Variants in RGS7 observed in about 807,000 individuals in gnomAD.
The protein encoded by RGS7 is regulator of G-protein signaling 7.
A neutral mutation model predicts 81.1 loss-of-function variants in RGS7; 27 were observed. That is an observed-to-expected ratio of 0.33 (90% confidence interval 0.25 to 0.46). The LOEUF is 0.46. Ranked by LOEUF, RGS7 falls within the 20% of genes least tolerant of loss-of-function variation. The pLI, the probability that RGS7 is intolerant of heterozygous loss-of-function variation, is 1.00. For synonymous variants in RGS7, 208 were observed against 207.7 expected (o/e 1.00, Z -0.01); for missense variants, 396 against 607.4 (o/e 0.65, Z 3.66).
intron 9 of RGS7, among the ~76,000 whole-genome samples, chr1:240,858,912 G>C (rs190657877): frequency 6.6e-6 from 1 of 152,030 alleles, no homozygotes; most frequent in African/African-American, 2.4e-5. Flanking sequence ...GAGGATTTTT[G>C]CATCTTTGTT....
intron 3 of RGS7, among the ~76,000 whole-genome samples, chr1:241,060,870 C>A (rs144713320): frequency 7.6e-4 from 115 of 152,248 alleles, no homozygotes; most frequent in African/African-American, 2.6e-3. Context: ...GAAAGAAACA[C>A]CTTGTAACTG....
intron 2 of RGS7, among the ~76,000 whole-genome samples, chr1:241,136,640 A>T (rs2067536963): frequency 6.6e-6 from 1 of 152,236 alleles, no homozygotes; most frequent in South Asian, 2.1e-4. Flanking sequence ...GGAAACCTGA[A>T]GATGGCTATC....
At chr1:240,950,243 A>G (rs891343570) in intron 4 of RGS7, among the ~76,000 whole-genome samples, 1 of 152,168 alleles carries the variant, frequency 6.6e-6, no homozygotes, top group Non-Finnish European at 1.5e-5. Context: ...CAGAAATCCC[A>G]CCAGATTCTC....
At chr1:241,260,102 G>A (rs185805551) in intron 2 of RGS7, among the ~76,000 whole-genome samples, 19 of 152,160 alleles carry the variant, frequency 1.2e-4, no homozygotes, top group East Asian at 9.7e-4. Context: ...TTACTGCTTC[G>A]TCTCAGAAAG....
chr1:241,312,687 T>G (rs933171205), intron 2 of RGS7, among the ~76,000 whole-genome samples: 1 of 152,100 alleles, frequency 6.6e-6, no homozygotes, highest in Non-Finnish European at 1.5e-5. Flanking sequence ...GCCCCTCTAT[T>G]CCCTGAGACA....
At chr1:240,874,146 AG>A (rs1664959293) in intron 6 of RGS7, among the ~76,000 whole-genome samples, 1 of 152,234 alleles carries the variant, frequency 6.6e-6, no homozygotes, top group Admixed American at 6.5e-5. Context: ...GGCCCTCCCC[AG>A]ACATCAAATC....
chr1:240,972,418 T>C (rs1050532951), intron 4 of RGS7, among the ~76,000 whole-genome samples: 5 of 146,632 alleles, frequency 3.4e-5, no homozygotes, highest in Admixed American at 6.9e-5. Flanking sequence ...AAATTGGAAA[T>C]CATCATTCTC....
Position 240,842,629 on chromosome 1 carries a change from T to TGG in RGS7, c.610-15459_610-15458dup, listed in dbSNP as rs34222119. Among the ~76,000 whole-genome samples the TGG allele has an allele frequency of 9.2e-5, 14 of 151,760 alleles. No homozygotes were observed. In the South Asian group the frequency reaches 1.3e-3, roughly 14 times the overall value. On this transcript the variant is annotated intron_variant, in intron 9 of 18. Transcript: ENST00000440928. ...TTAATTTTTAAAAAGGTAAGCATTT[T>TGG]GGGGGGGGAATAAATATAGGGTAAG...
chr1:241,173,790 A>C (rs2070907011), intron 2 of RGS7, among the ~76,000 whole-genome samples: 1 of 152,164 alleles, frequency 6.6e-6, no homozygotes, highest in African/African-American at 2.4e-5. Context: ...TAAAATAAAA[A>C]ATAAAAAGAA....
At chr1:240,968,787 C>T (rs534277353) in intron 4 of RGS7, among the ~76,000 whole-genome samples, 73 of 152,156 alleles carry the variant, frequency 4.8e-4, no homozygotes, top group African/African-American at 1.7e-3. Context: ...TCTATCAGTG[C>T]CCTTATCACA....
chr1:241,026,194 G>A (rs1353830045), intron 3 of RGS7, among the ~76,000 whole-genome samples: 1 of 152,202 alleles, frequency 6.6e-6, no homozygotes, highest in Non-Finnish European at 1.5e-5. Context: ...CCAGTGTCTA[G>A]TGGTGTGCCT....
At chr1:241,260,193 C>G (rs1238971186) in intron 2 of RGS7, among the ~76,000 whole-genome samples, 1 of 152,184 alleles carries the variant, frequency 6.6e-6, no homozygotes, top group African/African-American at 2.4e-5. Flanking sequence ...CACTCACAGG[C>G]TAAGCCACAA....
intron 4 of RGS7, among the ~76,000 whole-genome samples, chr1:240,946,330 T>C (rs1453783268): frequency 2.0e-5 from 3 of 152,172 alleles, no homozygotes; most frequent in Non-Finnish European, 2.9e-5. Flanking sequence ...AGGCTGGGCA[T>C]GGTGGCTCAC....
intron 6 of RGS7, among the ~76,000 whole-genome samples, chr1:240,924,756 T>C (rs963228048): frequency 6.6e-6 from 1 of 152,196 alleles, no homozygotes; most frequent in African/African-American, 2.4e-5. Flanking sequence ...TTAATTGTAT[T>C]ACCACTAGGA....
At chr1:240,778,931 C>A (rs563641302) in intron 18 of RGS7, among the ~76,000 whole-genome samples, 11 of 151,402 alleles carry the variant, frequency 7.3e-5, no homozygotes, top group Non-Finnish European at 1.6e-4. Flanking sequence ...TAACAACAGA[C>A]CCTGCTTTAT....
intron 2 of RGS7, among the ~76,000 whole-genome samples, chr1:241,151,702 C>A (rs1261907650): frequency 6.6e-6 from 1 of 151,602 alleles, no homozygotes; most frequent in Non-Finnish European, 1.5e-5. Flanking sequence ...GCTGCCACAA[C>A]ACTTGGGTTA....
At chr1:240,980,736 T>C (rs1270905194) in intron 4 of RGS7, among the ~76,000 whole-genome samples, 1 of 152,236 alleles carries the variant, frequency 6.6e-6, no homozygotes, top group Non-Finnish European at 1.5e-5. Flanking sequence ...CAATCATTAA[T>C]GTTTCTTAAC....
At chr1:241,076,152 A>G (rs894208824) in intron 3 of RGS7, among the ~76,000 whole-genome samples, 14 of 152,092 alleles carry the variant, frequency 9.2e-5, no homozygotes, top group African/African-American at 3.4e-4. Context: ...TGTACCTGGC[A>G]TGATGTATGC....
intron 2 of RGS7, among the ~76,000 whole-genome samples, chr1:241,298,823 C>A (rs942394963): frequency 6.6e-6 from 1 of 152,220 alleles, no homozygotes; most frequent in East Asian, 1.9e-4. Context: ...AAAGTCAACG[C>A]TCTTCCAGCA....
Sources: allele counts gnomAD v4.1 joint callset (sites outside exome capture counted in the v4.1 genomes callset), GRCh38; gene constraint gnomAD v4.1.1; transcripts MANE v1.5; gene names NCBI Gene and HGNC (gene_info 2026-07-23, HGNC 2026-07-21).